Variants in MAGI2 observed in about 807,000 individuals in gnomAD.
MAGI2 encodes membrane associated guanylate kinase, WW and PDZ domain containing 2.
In MAGI2, 35 loss-of-function variants were observed where a neutral mutation model predicts 133.3. The observed-to-expected ratio is 0.26, with a 90% CI of 0.20 to 0.35. The LOEUF (loss-of-function observed/expected upper bound fraction) is 0.35, where lower values mean the gene tolerates loss of function less well. Among genes scored for constraint, MAGI2 ranks in the 10% least tolerant of loss-of-function variants. The pLI is 1.00. For missense variants in MAGI2, 1,636 were observed against 1,863.4 expected (o/e 0.88, Z 2.25); for synonymous variants, 729 against 710.6 (o/e 1.03, Z -0.41).
intron 1 of MAGI2, among the ~76,000 whole-genome samples, chr7:79,422,859 T>C (rs1847074924): frequency 6.6e-6 from 1 of 152,048 alleles, no homozygotes. Flanking sequence ...ACCTGTATAA[T>C]GCTGAAACAA....
intron 1 of MAGI2, among the ~76,000 whole-genome samples, chr7:79,181,226 G>T (rs1329016732): frequency 6.6e-6 from 1 of 151,958 alleles, no homozygotes; most frequent in Non-Finnish European, 1.5e-5. Context: ...TTTCCCTTCT[G>T]CATTGCCCTA....
intron 6 of MAGI2, among the ~76,000 whole-genome samples, chr7:78,423,485 G>C (rs60070771): frequency 0.037 from 5,591 of 152,218 alleles, 330 homozygotes; most frequent in African/African-American, 0.13. Flanking sequence ...CTGAGGTTGG[G>C]GTATGGCTGA....
chr7:78,468,722 G>A (rs866829240), intron 6 of MAGI2, among the ~76,000 whole-genome samples: 1 of 152,230 alleles, frequency 6.6e-6, no homozygotes, highest in Middle Eastern at 3.4e-3. Context: ...AACCACAATT[G>A]GGAGGTTAAA....
intron 2 of MAGI2, among the ~76,000 whole-genome samples, chr7:78,938,632 A>G (rs993014): frequency 0.24 from 36,160 of 152,026 alleles, 4,666 homozygotes; most frequent in South Asian, 0.36. Flanking sequence ...TAACTGACTG[A>G]AATTTACTAA....
intron 2 of MAGI2, among the ~76,000 whole-genome samples, chr7:78,854,858 C>CTT (rs143691490): frequency 2.8e-4 from 42 of 150,066 alleles, no homozygotes; most frequent in African/African-American, 6.8e-4. Context: ...ATGCATTACT[C>CTT]TTTTATTTTT....
chr7:78,256,906 C>T (rs749834550), intron 9 of MAGI2, among the ~76,000 whole-genome samples: 1 of 152,136 alleles, frequency 6.6e-6, no homozygotes, highest in Non-Finnish European at 1.5e-5. Flanking sequence ...TCTTTTTCAT[C>T]TTATATTCCA....
At chr7:78,300,542 T>C (rs773559540) in intron 9 of MAGI2, among the ~76,000 whole-genome samples, 37 of 152,146 alleles carry the variant, frequency 2.4e-4, no homozygotes, top group Non-Finnish European at 4.1e-4. Context: ...ACGGTGGCAA[T>C]AGGTAATTAA....
rs781428481 is a variant in MAGI2 at position 79,453,225 on chromosome 7, C to G, written c.96G>C (p.Leu32=). 1.3e-5 allele frequency: 21 copies of G among 1,613,876 alleles called. No individual in the cohort carries two copies. The Admixed American group carries it at 2.8e-4, about 22-fold the overall frequency. The change falls in exon 1 of 22, where the codon CTG becomes CTC. Residue 32 remains leucine, a synonymous_variant. Transcript: ENST00000354212. ...ACTGTCCATTCTCGGCGCCCCCCTT[C>G]AGTTCAAAGCCCAGCTGGCCCTCCG... is the stretch of plus-strand genomic sequence containing the variant. The part of the protein sequence containing the change: ...RNPEGQLGFE[L]KGGAENGQFP...
chr7:79,277,674 C>T (rs1267814323), intron 1 of MAGI2, among the ~76,000 whole-genome samples: 2 of 152,096 alleles, frequency 1.3e-5, no homozygotes, highest in Non-Finnish European at 2.9e-5. Context: ...TTAACAGGCC[C>T]CTCAGCTGGA....
At chr7:78,791,585 A>G (rs1827245123) in intron 2 of MAGI2, among the ~76,000 whole-genome samples, 1 of 139,340 alleles carries the variant, frequency 7.2e-6, no homozygotes, top group Non-Finnish European at 1.5e-5. Context: ...TCTGTTGCCC[A>G]GGCTAGAGTG....
At chr7:78,487,621 T>C (rs905544441) in intron 6 of MAGI2, among the ~76,000 whole-genome samples, 13 of 152,186 alleles carry the variant, frequency 8.5e-5, no homozygotes, top group African/African-American at 3.1e-4. Context: ...CTGAAAACTC[T>C]GGTGGCCAAA....
At chr7:78,061,022 T>C (rs898223794) in intron 21 of MAGI2, among the ~76,000 whole-genome samples, 41 of 151,658 alleles carry the variant, frequency 2.7e-4, no homozygotes, top group African/African-American at 9.2e-4. Flanking sequence ...AAAAAGTAGC[T>C]GGGGGCGGTG....
intron 3 of MAGI2, among the ~76,000 whole-genome samples, chr7:78,546,746 C>G (rs532376106): frequency 5.3e-5 from 8 of 152,126 alleles, no homozygotes; most frequent in African/African-American, 1.7e-4. Context: ...AACCTATGGA[C>G]TCAAATAGAG....
Position 78,791,997 on chromosome 7 carries a change from A to G in MAGI2, c.419-164758T>C, listed in dbSNP as rs1209693499. ...TTTAAAAATATGCATAGGATGCTAT[A>G]CACTAAATTTTCACAGTGCTTATCA... is the stretch of plus-strand genomic sequence containing the variant. On this transcript the variant is annotated intron_variant, in intron 2 of 21. Coordinates refer to ENST00000354212, the MANE Select transcript of MAGI2 (RefSeq NM_012301.4). 2.0e-5 allele frequency among the ~76,000 whole-genome samples: 3 copies of G among 152,202 alleles called. No individual in the cohort carries two copies. In the South Asian group the frequency reaches 6.2e-4, roughly 31 times the overall value.
At chr7:78,956,891 G>A (rs1802420823) in intron 2 of MAGI2, among the ~76,000 whole-genome samples, 1 of 152,144 alleles carries the variant, frequency 6.6e-6, no homozygotes, top group Non-Finnish European at 1.5e-5. Context: ...AAAATGAATA[G>A]ATGAGATGTG....
intron 1 of MAGI2, 69 bp downstream of exon 1, chr7:79,452,951 C>G: frequency 6.8e-7 from 1 of 1,473,804 alleles, no homozygotes; most frequent in Non-Finnish European, 9.0e-7. Flanking sequence ...GCGCGGCCAC[C>G]CTTTCATTGC....
intron 1 of MAGI2, among the ~76,000 whole-genome samples, chr7:79,398,707 T>C (rs919561864): frequency 1.2e-4 from 18 of 152,190 alleles, no homozygotes; most frequent in African/African-American, 3.9e-4. Context: ...CTTTAAATGA[T>C]TGTGAAATTT....
At chr7:79,377,847 T>C (rs1843482557) in intron 1 of MAGI2, among the ~76,000 whole-genome samples, 1 of 151,774 alleles carries the variant, frequency 6.6e-6, no homozygotes, top group African/African-American at 2.4e-5. Context: ...ATCAAAATAA[T>C]AGTATATGTA....
chr7:78,572,525 T>A (rs551889345), intron 3 of MAGI2, among the ~76,000 whole-genome samples: 2 of 152,260 alleles, frequency 1.3e-5, no homozygotes, highest in African/African-American at 4.8e-5. Flanking sequence ...AAGTAGTATA[T>A]TCACATATTT....
Sources: gnomAD v4.1 joint callset for allele counts (sites outside exome capture counted in the v4.1 genomes callset) on GRCh38, gnomAD v4.1.1 for gene constraint, MANE v1.5 for transcripts, NCBI Gene and HGNC (gene_info 2026-07-23, HGNC 2026-07-21) for gene names.